Variants in NCAPH2 observed in about 807,000 individuals in gnomAD.
The protein encoded by NCAPH2 is condensin-2 complex subunit H2.
Under a neutral mutation model 88.6 loss-of-function variants are expected in NCAPH2, and 56 were observed. That is an observed-to-expected ratio of 0.63 (90% confidence interval 0.51 to 0.79). The LOEUF is 0.79. Among genes scored for constraint, NCAPH2 ranks in the 30% least tolerant of loss-of-function variants. The pLI is 0.00. For synonymous variants in NCAPH2, 378 were observed against 313.6 expected (o/e 1.21, Z -2.17); for missense variants, 794 against 792.0 (o/e 1.00, Z -0.03).
At chr22:50,508,472 G>C in intron 1 of NCAPH2, 27 bp downstream of exon 1, 1 of 1,302,320 alleles carries the variant, frequency 7.7e-7, no homozygotes, top group South Asian at 1.8e-5. Flanking sequence ...AGTGACGCGG[G>C]GTGGGCCGGC....
chr22:50,523,441 G>A lies in NCAPH2; in HGVS notation c.*66G>A. The A allele has an allele frequency of 6.6e-7, 1 of 1,522,742 alleles. No homozygotes were observed. The highest frequency in any genetic ancestry group is 2.0e-5 in the Admixed American group (1 of 49,844). The allele number at this position is 1,522,742 out of a possible 1,614,324, so 94.3% of individuals were successfully genotyped here. A position where few individuals can be genotyped will look rare whatever the true frequency, so the allele number is the denominator to read the frequency against. On this transcript the variant is annotated 3_prime_UTR_variant, in exon 20 of 20. Coordinates refer to ENST00000420993, the MANE Select transcript of NCAPH2 (RefSeq NM_152299.4). The stretch of plus-strand genomic sequence containing the variant: ...GGAGCCGTGTGTCTGCTCCTGGCTG[G>A]CCCGGCCTAATAAAGCAGTGTTGCC...
At chr22:50,517,165 A>G (rs868098692) in intron 2 of NCAPH2, among the ~76,000 whole-genome samples, 7 of 152,264 alleles carry the variant, frequency 4.6e-5, no homozygotes, top group African/African-American at 1.2e-4. Context: ...TGTCAGGGTC[A>G]CACGTTGAGA....
Position 50,524,632 on chromosome 22 carries a change from T to G in NCAPH2, c.*1257T>G. ...AACCACACCTGTCACTCCTGTCCTCTACCTGGGATCACCAGCCTGTCACCG... is the reference window on the plus strand; with the variant it reads ...AACCACACCTGTCACTCCTGTCCTCGACCTGGGATCACCAGCCTGTCACCG... On this transcript the variant is annotated 3_prime_UTR_variant, in exon 20 of 20. Coordinates refer to ENST00000420993, the MANE Select transcript of NCAPH2 (RefSeq NM_152299.4). The G allele has an allele frequency of 1.4e-6, 1 of 700,630 alleles. No homozygotes were observed. 43.4% of individuals were successfully genotyped at this position (700,630 alleles called of 1,614,324 possible).
chr22:50,521,186 G>A lies in NCAPH2; in HGVS notation c.933+150G>A, dbSNP rs9616860. 1.3e-5 allele frequency: 11 copies of A among 839,080 alleles called. No individual in the cohort carries two copies. In the South Asian group the frequency reaches 1.4e-4, roughly 10 times the overall value. 52.0% of individuals were successfully genotyped at this position (839,080 alleles called of 1,614,324 possible). A position where few individuals can be genotyped will look rare whatever the true frequency, so the allele number is the denominator to read the frequency against. ...TGCTCTCTTAAAGACCCCCTCATGCGACTCTGGGCTCCCACCCTCTCTCTA... is the reference window on the plus strand; with the variant it reads ...TGCTCTCTTAAAGACCCCCTCATGCAACTCTGGGCTCCCACCCTCTCTCTA... On this transcript the variant is annotated intron_variant, in intron 10 of 19. Transcript: ENST00000420993.
chr22:50,523,641 G>A lies in NCAPH2; in HGVS notation c.*266G>A. Reference sequence around the variant, plus strand: ...ACAGGACACTGCGGAAAGCCGCCATGTGCCGCCGCACACTGTCTGAGATCT... The same window carrying A: ...ACAGGACACTGCGGAAAGCCGCCATATGCCGCCGCACACTGTCTGAGATCT... On this transcript the variant is annotated 3_prime_UTR_variant, in exon 20 of 20. Coordinates refer to ENST00000420993, the MANE Select transcript of NCAPH2 (RefSeq NM_152299.4). 1 of 1,613,822 alleles carries A rather than the reference G, an allele frequency of 6.2e-7. No individual in the cohort carries two copies. Among genetic ancestry groups the A allele is most frequent in the Non-Finnish European group, 8.5e-7 (1 of 1,180,032 alleles).
chr22:50,512,767 A>G (rs1453057011), intron 1 of NCAPH2, among the ~76,000 whole-genome samples: 1 of 151,856 alleles, frequency 6.6e-6, no homozygotes, highest in African/African-American at 2.4e-5. Context: ...GCTGTTCTCA[A>G]ACTCCCAAGC....
chr22:50,510,813 C>G (rs1311994551), intron 1 of NCAPH2, among the ~76,000 whole-genome samples: 3 of 151,962 alleles, frequency 2.0e-5, no homozygotes, highest in Non-Finnish European at 4.4e-5. Flanking sequence ...ATCTCAGCAC[C>G]TTACACACTT....
intron 1 of NCAPH2, among the ~76,000 whole-genome samples, chr22:50,511,162 A>G (rs2068772054): frequency 8.5e-6 from 1 of 117,830 alleles, no homozygotes; most frequent in Non-Finnish European, 1.8e-5. Flanking sequence ...AATTTTATTT[A>G]TTTATATGTT....
intron 9 of NCAPH2, chr22:50,519,718 C>T (rs965584580): frequency 9.5e-7 from 1 of 1,051,640 alleles, no homozygotes; most frequent in Non-Finnish European, 1.1e-6. Context: ...CCAAGAAATC[C>T]TTCCTTTTTA....
rs528611522 is a variant in NCAPH2, at chr22:50,521,585, T to C, written c.976T>C (p.Leu326=). The C allele has an allele frequency of 6.2e-7, 1 of 1,613,658 alleles. No homozygotes were observed. Among genetic ancestry groups the C allele is most frequent in the African/African-American group, 1.3e-5 (1 of 75,044 alleles). The change falls in exon 11 of 20, where the codon TTG becomes CTG. Residue 326 remains leucine (L), a synonymous_variant. Coordinates refer to ENST00000420993, the MANE Select transcript of NCAPH2 (RefSeq NM_152299.4). The part of the protein sequence containing the change: ...PWQSLDPFDS[L]ESKPFKKGRP... ...GCAGAGCCTGGACCCCTTTGACTCC[T>C]TGGAGTCTAAGCCCTTCAAGAAAGG... is the stretch of plus-strand genomic sequence containing the variant.
intron 1 of NCAPH2, among the ~76,000 whole-genome samples, chr22:50,511,549 C>T (rs570853697): frequency 7.0e-6 from 1 of 143,688 alleles, no homozygotes; most frequent in Admixed American, 6.7e-5. Flanking sequence ...CCTCGGCCTC[C>T]CAAAGTGCTG....
chr22:50,518,850 C>A, intron 8 of NCAPH2, 118 bp downstream of exon 8: 1 of 1,044,536 alleles, frequency 9.6e-7, no homozygotes, highest in Non-Finnish European at 1.4e-6. Context: ...CATGCCCCTT[C>A]TGTGGCCCAT....
At position 50,519,189 on chromosome 22, in the gene NCAPH2, G is replaced by C; in HGVS notation, c.731-1G>C. On this transcript the variant is annotated splice_acceptor_variant, in intron 8 of 19. Transcript: ENST00000420993. LOFTEE classifies it high-confidence loss of function. ...TGATCACTCTCTTGCTCCCTGCCTA[G>C]GCCCCTCTCCAGAAGGCCCGATGCC... is the stretch of plus-strand genomic sequence containing the variant. The C allele has an allele frequency of 6.2e-7, 1 of 1,607,018 alleles. No individual in the cohort carries two copies. Among genetic ancestry groups the C allele is most frequent in the Non-Finnish European group, 8.5e-7 (1 of 1,177,652 alleles).
chr22:50,521,091 C>G, intron 10 of NCAPH2, 55 bp downstream of exon 10: 1 of 1,529,580 alleles, frequency 6.5e-7, no homozygotes, highest in Non-Finnish European at 8.8e-7. Context: ...GATTCGAGGA[C>G]TGGCTGCCTG....
chr22:50,518,172 G>C lies in NCAPH2; in HGVS notation c.540G>C (p.Arg180Ser). 1 of 1,614,128 alleles carries C rather than the reference G, an allele frequency of 6.2e-7. No individual in the cohort carries two copies. The highest frequency in any genetic ancestry group is 8.5e-7 in the Non-Finnish European group (1 of 1,180,026). ...TCCTGGCCAGCCGGAAGGATTTCAGGATGAACACGTGCGTTCCCCACCCCA... is the reference window on the plus strand; with the variant it reads ...TCCTGGCCAGCCGGAAGGATTTCAGCATGAACACGTGCGTTCCCCACCCCA... The part of the protein sequence containing the change: ...GEVLASRKDF[R>S]MNTCVPHPRG... The change falls in exon 7 of 20, where the codon AGG becomes AGC. Residue 180 changes from arginine to serine, a missense_variant. Coordinates refer to ENST00000420993, the MANE Select transcript of NCAPH2 (RefSeq NM_152299.4).
chr22:50,511,632 C>A (rs2068786114), intron 1 of NCAPH2, among the ~76,000 whole-genome samples: 2 of 140,866 alleles, frequency 1.4e-5, no homozygotes, highest in Non-Finnish European at 3.0e-5. Context: ...AGGCGCCTGC[C>A]ACCACGCCTG....
chr22:50,522,471 C>T (rs755599800), intron 15 of NCAPH2, 30 bp from the exon 16 acceptor site: 46 of 1,613,480 alleles, frequency 2.9e-5, no homozygotes, highest in Admixed American at 1.3e-4. Flanking sequence ...TAGCTGCCTG[C>T]GTGCTGTTCA....
Position 50,519,295 on chromosome 22 carries a change from C to T in NCAPH2, c.836C>T (p.Pro279Leu), listed in dbSNP as rs2069017307. Residue 279 changes from proline to leucine, a missense_variant, in exon 9 of 20, where the codon CCC becomes CTC. Pro to Leu is a moderately conservative substitution (Grantham distance 98). Transcript: ENST00000420993. Reference protein sequence around the residue: ...EASAPKAALEPKESRSPQQSA... With the variant: ...EASAPKAALELKESRSPQQSA... The stretch of plus-strand genomic sequence containing the variant: ...TCGGCCCCCAAGGCCGCTCTGGAGC[C>T]CAAGGAGTCCAGGAGCCCGCAGCAG... The T allele has an allele frequency of 6.2e-7, 1 of 1,607,442 alleles. No homozygotes were observed. Among genetic ancestry groups the T allele is most frequent in the Non-Finnish European group, 8.5e-7 (1 of 1,177,646 alleles).
Position 50,524,324 on chromosome 22 carries a change from C to T in NCAPH2, c.*949C>T. The T allele has an allele frequency of 6.2e-7, 1 of 1,601,868 alleles. No individual in the cohort carries two copies. Among genetic ancestry groups the T allele is most frequent in the Non-Finnish European group, 8.5e-7 (1 of 1,179,918 alleles). On this transcript the variant is annotated 3_prime_UTR_variant, in exon 20 of 20. Coordinates refer to ENST00000420993, the MANE Select transcript of NCAPH2 (RefSeq NM_152299.4). Reference sequence around the variant, plus strand: ...AAAAGCCAGGACCTCAGATGCAGGGCCTGGCCTCCCAGGGTCCCAGGGAGG... The same window carrying T: ...AAAAGCCAGGACCTCAGATGCAGGGTCTGGCCTCCCAGGGTCCCAGGGAGG...
Sources: allele counts gnomAD v4.1 joint callset (sites outside exome capture counted in the v4.1 genomes callset), GRCh38; gene constraint gnomAD v4.1.1; transcripts MANE v1.5; gene names NCBI Gene and HGNC (gene_info 2026-07-23, HGNC 2026-07-21).